The following ESR1 variants were observed in gnomAD, a reference collection of about 807,000 sequenced individuals.
ESR1 encodes the protein estrogen receptor.
Under a neutral mutation model 52.7 loss-of-function variants are expected in ESR1, and 12 were observed. The ratio of observed to expected loss-of-function variants is 0.23; its 90% CI spans 0.15 to 0.37. The LOEUF (loss-of-function observed/expected upper bound fraction) is 0.37. Ranked by LOEUF, ESR1 falls within the 10% of genes least tolerant of loss-of-function variation. ESR1 has a pLI of 1.00. For missense variants in ESR1, 584 were observed against 779.7 expected (o/e 0.75, Z 2.99); for synonymous variants, 305 against 316.8 (o/e 0.96, Z 0.39).
chr6:151,927,538 T>G (rs1324536273), intron 3 of ESR1, among the ~76,000 whole-genome samples: 1 of 152,148 alleles, frequency 6.6e-6, no homozygotes, highest in Middle Eastern at 3.2e-3. Context: ...TTTAGGCTAT[T>G]TATTTCTCCA....
chr6:151,996,272 C>T (rs144311047), intron 4 of ESR1, among the ~76,000 whole-genome samples: 5 of 152,216 alleles, frequency 3.3e-5, no homozygotes, highest in East Asian at 1.9e-4. Flanking sequence ...AGTTTGCCTA[C>T]GATCCATTGA....
At chr6:151,923,306 A>T (rs2032057999) in intron 3 of ESR1, among the ~76,000 whole-genome samples, 1 of 152,126 alleles carries the variant, frequency 6.6e-6, no homozygotes, top group Non-Finnish European at 1.5e-5. Flanking sequence ...TAACTTTTTA[A>T]GTTTGGATAC....
At chr6:152,105,773 A>ATTTTTTT, downstream of ESR1, among the ~76,000 whole-genome samples, 1 of 106,538 alleles carries the variant, frequency 9.4e-6, no homozygotes, top group African/African-American at 3.8e-5. Flanking sequence ...CTCAGTATGC[A>ATTTTTTT]TCTTTTTTTT....
At chr6:151,899,834 G>T (rs1019645807) in intron 3 of ESR1, among the ~76,000 whole-genome samples, 2 of 151,968 alleles carry the variant, frequency 1.3e-5, no homozygotes, top group African/African-American at 4.8e-5. Context: ...CTTCCTAGAT[G>T]GGATGGCGGC....
At chr6:151,918,132 G>A (rs1473111765) in intron 3 of ESR1, among the ~76,000 whole-genome samples, 1 of 152,150 alleles carries the variant, frequency 6.6e-6, no homozygotes, top group African/African-American at 2.4e-5. Context: ...TGAGCAGGTA[G>A]GGCTGACAGC....
chr6:152,037,018 G>C (rs1324155088), intron 5 of ESR1, among the ~76,000 whole-genome samples: 4 of 152,238 alleles, frequency 2.6e-5, no homozygotes, highest in Non-Finnish European at 5.9e-5. Flanking sequence ...GTGTTTACCA[G>C]TTGTTTCCAG....
At chr6:151,895,863 C>T (rs1287213239) in intron 3 of ESR1, among the ~76,000 whole-genome samples, 7 of 152,152 alleles carry the variant, frequency 4.6e-5, no homozygotes, top group Non-Finnish European at 1.0e-4. Flanking sequence ...AGTGTAGTGG[C>T]ACTGCAACTT....
At chr6:151,940,112 G>T (rs953058887) in intron 3 of ESR1, among the ~76,000 whole-genome samples, 2 of 152,164 alleles carry the variant, frequency 1.3e-5, no homozygotes, top group African/African-American at 4.8e-5. Flanking sequence ...CATGGCAGAA[G>T]GTGAAGGGGA....
intron 3 of ESR1, among the ~76,000 whole-genome samples, chr6:151,885,240 A>C (rs367927641): frequency 1.1e-4 from 16 of 152,194 alleles, no homozygotes; most frequent in Non-Finnish European, 2.1e-4. Context: ...TATAAAGAGA[A>C]CATTTGCATG....
chr6:151,833,148 A>C (rs975442565), intron 1 of ESR1, among the ~76,000 whole-genome samples: 3 of 152,124 alleles, frequency 2.0e-5, no homozygotes, highest in Non-Finnish European at 4.4e-5. Context: ...GAGGTGTACT[A>C]ACTTGGTCAG....
At chr6:151,973,608 G>A (rs931628616) in intron 4 of ESR1, among the ~76,000 whole-genome samples, 1 of 152,170 alleles carries the variant, frequency 6.6e-6, no homozygotes, top group African/African-American at 2.4e-5. Context: ...CAGGCCCTCT[G>A]TCTACCCCTT....
Position 151,684,840 on chromosome 6 carries a change from A to G in ESR1, n.74-17035A>G, listed in dbSNP as rs888851188. ...GCCAAGGCTGCGGCTGCTGGTGCCA[A>G]TCAAAGGCACCCATAGGCAGGACCC... On this transcript the variant is annotated intron_variant and non_coding_transcript_variant, in intron 1 of 2. Coordinates refer to the ESR1 transcript ENST00000473497. Among the ~76,000 whole-genome samples the G allele has an allele frequency of 3.9e-5, 6 of 152,254 alleles. No homozygotes were observed. In the East Asian group the frequency reaches 5.8e-4, roughly 15 times the overall value.
intron 2 of ESR1, among the ~76,000 whole-genome samples, chr6:151,790,288 A>G (rs932042445): frequency 6.6e-6 from 1 of 152,194 alleles, no homozygotes; most frequent in African/African-American, 2.4e-5. Flanking sequence ...GACGACACAG[A>G]CAGCTTTTCT....
rs909131314 is a variant in ESR1 at position 151,831,863 on chromosome 6, C to G, written c.453-10734C>G. 2.6e-5 allele frequency among the ~76,000 whole-genome samples: 4 copies of G among 152,126 alleles called. 1 individual carries two copies. In the South Asian group the frequency reaches 8.3e-4, roughly 32 times the overall value. On this transcript the variant is annotated intron_variant, in intron 1 of 7. Transcript: ENST00000206249. ...CCTTTCACTTTATTAAACCAAGGGT[C>G]GTGCTGGGTTTTCCAGAAGTCTAAG... is the stretch of plus-strand genomic sequence containing the variant.
intron 2 of ESR1, among the ~76,000 whole-genome samples, chr6:151,703,342 G>A (rs1163502281): frequency 6.6e-6 from 1 of 152,162 alleles, no homozygotes; most frequent in Non-Finnish European, 1.5e-5. Context: ...GTCTTCTGAG[G>A]CTGGAGGTGC....
chr6:151,688,249 A>C (rs1778764984), upstream of ESR1, among the ~76,000 whole-genome samples: 1 of 152,226 alleles, frequency 6.6e-6, no homozygotes, highest in African/African-American at 2.4e-5. Flanking sequence ...CCATTCACTG[A>C]TAAACCTGTC....
intron 5 of ESR1, among the ~76,000 whole-genome samples, chr6:152,018,329 A>G (rs573096721): frequency 6.6e-6 from 1 of 152,258 alleles, no homozygotes; most frequent in East Asian, 1.9e-4. Flanking sequence ...AAAATGCCCA[A>G]AAATCAATGC....
intron 3 of ESR1, among the ~76,000 whole-genome samples, chr6:151,901,518 CTT>C (rs1163659566): frequency 6.6e-6 from 1 of 152,194 alleles, no homozygotes; most frequent in Admixed American, 6.5e-5. Context: ...TCGCTGTGGT[CTT>C]TTCCCAGTTC....
chr6:151,780,370 GA>G (rs1786436910), intron 2 of ESR1, among the ~76,000 whole-genome samples: 1 of 151,350 alleles, frequency 6.6e-6, no homozygotes, highest in East Asian at 1.9e-4. Flanking sequence ...AAAAGAAAAA[GA>G]AAAAGAAAAA....
Sources: allele counts gnomAD v4.1 joint callset (sites outside exome capture counted in the v4.1 genomes callset), GRCh38; gene constraint gnomAD v4.1.1; transcripts MANE v1.5; gene names NCBI Gene and HGNC (gene_info 2026-07-23, HGNC 2026-07-21).